The following DNAAF3 variants were observed in gnomAD, a reference collection of about 807,000 sequenced individuals.
DNAAF3 encodes the protein dynein axonemal assembly factor 3, also known as UPF0470 protein C19orf51.
Under a neutral mutation model 50.9 loss-of-function variants are expected in DNAAF3, and 40 were observed. The observed-to-expected ratio is 0.79, with a 90% CI of 0.61 to 1.02. The LOEUF is 1.02. DNAAF3 is among the 50% of genes least tolerant of loss of function. The pLI, the probability that DNAAF3 is intolerant of heterozygous loss-of-function variation, is 0.00. For missense variants in DNAAF3, 763 were observed against 744.7 expected (o/e 1.02, Z -0.29); for synonymous variants, 327 against 322.8 (o/e 1.01, Z -0.14).
rs2085936749 is a variant in DNAAF3 at position 55,166,261 on chromosome 19, C to G, written c.85+68G>C. The G allele has an allele frequency of 6.3e-7, 1 of 1,577,138 alleles. No homozygotes were observed. The highest frequency in any genetic ancestry group is 1.4e-5 in the African/African-American group (1 of 73,754). ...TTGCCACCGACGCTGGGACTACGAG[C>G]TCTAAAAGGCCGTCTGCTCAGGCTG... On this transcript the variant is annotated intron_variant, in intron 2 of 11. Transcript: ENST00000524407. This position sits in a 1 kb window ranked among gnomAD's most constrained non-coding sequence, Gnocchi z 4.0.
In DNAAF3 at chr19:55,165,859, T is replaced by C; in HGVS notation, c.227A>G (p.Asn76Ser). 3 of 1,613,938 alleles carry C rather than the reference T, an allele frequency of 1.9e-6. No individual in the cohort carries two copies. The highest frequency in any genetic ancestry group is 1.3e-5 in the African/African-American group (1 of 75,036). ...GCTCTCATCTTCATCCCAGCTCACGTTGAACCTCCTGCGAGGCCAGAACTT... is the reference window on the plus strand; with the variant it reads ...GCTCTCATCTTCATCCCAGCTCACGCTGAACCTCCTGCGAGGCCAGAACTT... ...RAKFWPRRRFNFFVLENNLEA... is the reference protein window; with the variant it reads ...RAKFWPRRRFSFFVLENNLEA... Residue 76 changes from asparagine (N) to serine (S), a missense_variant and splice_region_variant, in exon 3 of 12, where the codon AAC (asparagine) becomes AGC (serine). Physicochemically the swap from Asn to Ser is conservative, Grantham distance 46. Transcript: ENST00000524407.
rs950478767 is a variant in DNAAF3 at position 55,161,519 on chromosome 19, C to A, written c.664-101G>T. The A allele has an allele frequency of 6.7e-7, 1 of 1,498,882 alleles. No individual in the cohort carries two copies. Among genetic ancestry groups the A allele is most frequent in the Non-Finnish European group, 8.9e-7 (1 of 1,126,358 alleles). 92.8% of individuals were successfully genotyped at this position (1,498,882 alleles called of 1,614,324 possible). On this transcript the variant is annotated intron_variant, in intron 6 of 11. Coordinates refer to ENST00000524407, the MANE Select transcript of DNAAF3 (RefSeq NM_001256715.2). This position sits in a 1 kb window ranked among gnomAD's most constrained non-coding sequence, Gnocchi z 6.4. ...ACCCAGGAGTCCAGGTCCCCAGGCC[C>A]TCCTCCCTCAGACCCAGGAGTTCAG...
In DNAAF3 at chr19:55,160,018, G is replaced by C. The variant is rs1353144294; in HGVS notation, c.1049-5C>G. 1 of 1,562,722 alleles carries C rather than the reference G, an allele frequency of 6.4e-7. No homozygotes were observed. Among genetic ancestry groups the C allele is most frequent in the Non-Finnish European group, 8.8e-7 (1 of 1,136,444 alleles). On this transcript the variant is annotated splice_region_variant and splice_polypyrimidine_tract_variant and intron_variant, in intron 9 of 11. Coordinates refer to ENST00000524407, the MANE Select transcript of DNAAF3 (RefSeq NM_001256715.2). This position sits in a 1 kb window ranked among gnomAD's most constrained non-coding sequence, Gnocchi z 4.7. ...AAGATTCCGGGGTCGGGGCTGCTGG[G>C]GGAAGGGGATAGAGGGGTCACCTCT...
In DNAAF3 at chr19:55,159,276, G is replaced by C. The variant is rs764356342; in HGVS notation, c.1412C>G (p.Pro471Arg). Residue 471 changes from proline to arginine, a missense_variant, in exon 12 of 12, where the codon CCC becomes CGC. Physicochemically the swap from Pro to Arg is moderately radical, Grantham distance 103. Transcript: ENST00000524407. ...ALGNTVPAVE[P>R]GTPPLDILAQ... ...CAGGATGTCAAGGGGCGGAGTTCCG[G>C]GTTCCACAGCTGGGACAGTGTTGCC... 3.1e-6 allele frequency: 5 copies of C among 1,614,062 alleles called. No individual in the cohort carries two copies. In the East Asian group the frequency reaches 1.1e-4, roughly 36 times the overall value.
chr19:55,159,963 C>T lies in DNAAF3; in HGVS notation c.1099G>A (p.Ala367Thr). The change falls in exon 10 of 12, where the codon GCT (alanine) becomes ACT (threonine). Residue 367 changes from alanine to threonine, a missense_variant. Ala to Thr is a moderately conservative substitution (Grantham distance 58). Transcript: ENST00000524407. ...FTVHFLPLNS[A>T]QTLHHKSCYN... ...CAGCTCTTGTGGTGGAGAGTCTGAGCAGAATTGAGCGGCAGGAAGTGGACG... is the reference window on the plus strand; with the variant it reads ...CAGCTCTTGTGGTGGAGAGTCTGAGTAGAATTGAGCGGCAGGAAGTGGACG... 5 of 1,611,536 alleles carry T rather than the reference C, an allele frequency of 3.1e-6. No homozygotes were observed. The highest frequency in any genetic ancestry group is 1.1e-5 in the South Asian group (1 of 91,018).
At position 55,165,279 on chromosome 19, in the gene DNAAF3, A is replaced by G. The variant is rs2085919087; in HGVS notation, c.322+91T>C. On this transcript the variant is annotated intron_variant, in intron 4 of 11. Coordinates refer to ENST00000524407, the MANE Select transcript of DNAAF3 (RefSeq NM_001256715.2). The stretch of plus-strand genomic sequence containing the variant: ...ACCTCCGCCTCCCAGGAAAATAACC[A>G]AACTTTTTAATTGTACCATTGAAAT... 2.3e-6 allele frequency: 3 copies of G among 1,311,014 alleles called. No individual in the cohort carries two copies. The South Asian group carries it at 3.6e-5, about 16-fold the overall frequency. 81.2% of individuals were successfully genotyped at this position (1,311,014 alleles called of 1,614,324 possible). A position where few individuals can be genotyped will look rare whatever the true frequency, so the allele number is the denominator to read the frequency against.
chr19:55,159,471 TCAGGGACC>T, intron 11 of DNAAF3, 22 bp from the exon 12 acceptor site: 5 of 1,609,070 alleles, frequency 3.1e-6, no homozygotes, highest in Non-Finnish European at 4.3e-6. Context: ...AAGCGCCCTG[TCAGGGACC>T]CAGATTTTGA....
chr19:55,165,911 G>GC lies in DNAAF3; in HGVS notation c.174dup (p.His59AlafsTer25). ...GCTCGGGACAGGGTCCGCAGCAGGTGCCGTCCATCCACAGAGCCCAGAAGC... is the reference window on the plus strand; with the variant it reads ...GCTCGGGACAGGGTCCGCAGCAGGTGCCCGTCCATCCACAGAGCCCAGAAGC... On this transcript the variant is annotated frameshift_variant, in exon 3 of 12. Coordinates refer to ENST00000524407, the MANE Select transcript of DNAAF3 (RefSeq NM_001256715.2). LOFTEE classifies it high-confidence loss of function. The GC allele has an allele frequency of 1.2e-6, 2 of 1,614,232 alleles. No individual in the cohort carries two copies. Among genetic ancestry groups the GC allele is most frequent in the Non-Finnish European group, 1.7e-6 (2 of 1,180,040 alleles).
At position 55,161,110 on chromosome 19, in the gene DNAAF3, C is replaced by A. The variant is rs1233654845; in HGVS notation, c.867G>T (p.Ala289=). 6.5e-7 allele frequency: 1 copy of A among 1,545,608 alleles called. No individual in the cohort carries two copies. The highest frequency in any genetic ancestry group is 8.7e-7 in the Non-Finnish European group (1 of 1,146,848). The part of the protein sequence containing the change: ...TGPFVAFGIE[A]DDESLLRTSN... ...TCGTCCGCAGGAGGCTCTCGTCGTC[C>A]GCTTCGATGCCGAAGGCCACGAAGG... Residue 289 remains alanine (A), a synonymous_variant, in exon 8 of 12, where the codon GCG becomes GCT. Coordinates refer to ENST00000524407, the MANE Select transcript of DNAAF3 (RefSeq NM_001256715.2). This position sits in a 1 kb window ranked among gnomAD's most constrained non-coding sequence, Gnocchi z 6.4.
chr19:55,161,623 C>A lies in DNAAF3; in HGVS notation c.663+20G>T. ...AGACCCAGGGGTCCAGGCCCCCAGC[C>A]CCTCTCCTGGGCCCCTCACCCCGCG... On this transcript the variant is annotated intron_variant, in intron 6 of 11. Transcript: ENST00000524407. This position sits in a 1 kb window ranked among gnomAD's most constrained non-coding sequence, Gnocchi z 6.4. 6.5e-7 allele frequency: 1 copy of A among 1,527,650 alleles called. No individual in the cohort carries two copies. The highest frequency in any genetic ancestry group is 1.2e-5 in the South Asian group (1 of 83,058). The allele number at this position is 1,527,650 out of a possible 1,614,324, so 94.6% of individuals were successfully genotyped here.
chr19:55,164,041 C>CCTT (rs1256959242), intron 4 of DNAAF3, among the ~76,000 whole-genome samples: 1 of 151,954 alleles, frequency 6.6e-6, no homozygotes, highest in Non-Finnish European at 1.5e-5. Context: ...CAAGTGTGCG[C>CCTT]CTCTTCCCCA....
chr19:55,159,095 G>A lies in DNAAF3; in HGVS notation c.1593C>T (p.Pro531=). The change falls in exon 12 of 12, where the codon CCC becomes CCT. Residue 531 remains proline, a synonymous_variant. Coordinates refer to ENST00000524407, the MANE Select transcript of DNAAF3 (RefSeq NM_001256715.2). ...CAGTTTTGGAGTCTGACTCACAGTT[G>A]GGCGGAGCCAAGGCCCCCTGAGGCT... ...LAQPQGALAP[P]NCESDSKTGV is the part of the protein sequence containing the mutation. 6.2e-7 allele frequency: 1 copy of A among 1,608,558 alleles called. No individual in the cohort carries two copies. Among genetic ancestry groups the A allele is most frequent in the East Asian group, 2.2e-5 (1 of 44,744 alleles).
intron 3 of DNAAF3, 46 bp from the exon 4 acceptor site, chr19:55,165,509 G>A (rs745621530): frequency 6.2e-7 from 1 of 1,600,814 alleles, no homozygotes; most frequent in Admixed American, 1.7e-5. Context: ...CTGTTTGCCT[G>A]GGTCCTAGGA....
chr19:55,159,943 C>T lies in DNAAF3; in HGVS notation c.1119G>A (p.Lys373=). 6.2e-7 allele frequency: 1 copy of T among 1,608,602 alleles called. No individual in the cohort carries two copies. The change falls in exon 10 of 12, where the codon AAG becomes AAA. Residue 373 remains lysine, a synonymous_variant. Transcript: ENST00000524407. The part of the protein sequence containing the change: ...PLNSAQTLHH[K]SCYNGRFQLL... ...GCTGGAATCGGCCGTTGTAGCAGCT[C>T]TTGTGGTGGAGAGTCTGAGCAGAAT...
chr19:55,164,422 T>C (rs1166623744), intron 4 of DNAAF3, among the ~76,000 whole-genome samples: 1 of 152,168 alleles, frequency 6.6e-6, no homozygotes, highest in African/African-American at 2.4e-5. Flanking sequence ...GCAGAGGTTA[T>C]GGAGAGCCAA....
chr19:55,158,973 T>C lies in DNAAF3; in HGVS notation c.*89A>G. On this transcript the variant is annotated 3_prime_UTR_variant, in exon 12 of 12. Transcript: ENST00000524407. The stretch of plus-strand genomic sequence containing the variant: ...GAATGATTAGAATAAAATTGAGGAC[T>C]CTAGCAGCGGACTTAGAATGGTATC... The C allele has an allele frequency of 7.0e-7, 1 of 1,433,208 alleles. No homozygotes were observed. Among genetic ancestry groups the C allele is most frequent in the East Asian group, 2.3e-5 (1 of 43,534 alleles). The allele number at this position is 1,433,208 out of a possible 1,614,324, so 88.8% of individuals were successfully genotyped here.
In DNAAF3 at chr19:55,161,830, G is replaced by A. The variant is rs2085841959; in HGVS notation, c.481-5C>T. ...CAGGGCATCCCGCTCGCGGAACTGC[G>A]GGGCCAGGCACGCGGTGGGACAGAG... On this transcript the variant is annotated splice_region_variant and splice_polypyrimidine_tract_variant and intron_variant, in intron 5 of 11. Coordinates refer to ENST00000524407, the MANE Select transcript of DNAAF3 (RefSeq NM_001256715.2). The surrounding 1 kb of genome is among the most constrained non-coding windows in gnomAD (Gnocchi z 6.4). The A allele has an allele frequency of 3.5e-6, 5 of 1,434,380 alleles. No individual in the cohort carries two copies. Among genetic ancestry groups the A allele is most frequent in the Non-Finnish European group, 2.7e-6 (3 of 1,095,946 alleles). 88.9% of individuals were successfully genotyped at this position (1,434,380 alleles called of 1,614,324 possible). A position where few individuals can be genotyped will look rare whatever the true frequency, so the allele number is the denominator to read the frequency against.
chr19:55,163,170 C>T (rs886387231), intron 4 of DNAAF3, among the ~76,000 whole-genome samples: 1 of 151,700 alleles, frequency 6.6e-6, no homozygotes, highest in Non-Finnish European at 1.5e-5. Flanking sequence ...CCACCACACC[C>T]GGCTAATTTT....
rs565456858 is a variant in DNAAF3, at chr19:55,161,564, T to A, written c.663+79A>T. The A allele has an allele frequency of 3.0e-4, 444 of 1,468,212 alleles. 10 individuals are homozygous for A. The South Asian group carries it at 5.7e-3, about 19-fold the overall frequency. The allele number at this position is 1,468,212 out of a possible 1,614,324, so 90.9% of individuals were successfully genotyped here. ...GTTCAGGCCCCCAAACCCTCCTCCC[T>A]CAGACTCAGGAGGCCCCCAGCCCCT... is the stretch of plus-strand genomic sequence containing the variant. On this transcript the variant is annotated intron_variant, in intron 6 of 11. Transcript: ENST00000524407. This position sits in a 1 kb window ranked among gnomAD's most constrained non-coding sequence, Gnocchi z 6.4.
Sources: allele counts gnomAD v4.1 joint callset (sites outside exome capture counted in the v4.1 genomes callset), GRCh38; gene constraint gnomAD v4.1.1; non-coding constraint Gnocchi (gnomAD v3.1); transcripts MANE v1.5; gene names NCBI Gene and HGNC (gene_info 2026-07-23, HGNC 2026-07-21).